Variants in SLC9B1 observed in about 807,000 individuals in gnomAD.
SLC9B1 encodes the protein solute carrier family 9 member B1.
A neutral mutation model predicts 51.7 loss-of-function variants in SLC9B1; 32 were observed. That is an observed-to-expected ratio of 0.62 (90% CI 0.47 to 0.83). The LOEUF (loss-of-function observed/expected upper bound fraction) is 0.83, where lower values mean the gene tolerates loss of function less well. Among genes scored for constraint, SLC9B1 ranks in the 40% least tolerant of loss-of-function variants. SLC9B1 has a pLI of 0.00. For missense variants in SLC9B1, 406 were observed against 613.2 expected, an observed-to-expected ratio of 0.66 and a Z score of 3.57; for synonymous variants, 145 against 212.7, an observed-to-expected ratio of 0.68 and a Z score of 2.77.
intron 3 of SLC9B1, among the ~76,000 whole-genome samples, chr4:102,972,249 C>G (rs1035322417): frequency 6.6e-6 from 1 of 152,154 alleles, no homozygotes; most frequent in African/African-American, 2.4e-5. Context: ...CAATAAAATA[C>G]AGGCAAACCG....
intron 1 of SLC9B1, among the ~76,000 whole-genome samples, chr4:103,014,060 A>G (rs1374809381): frequency 1.3e-5 from 2 of 152,200 alleles, no homozygotes; most frequent in Non-Finnish European, 2.9e-5. Flanking sequence ...CTTCCCATAG[A>G]AGAAAAATGT....
At chr4:102,926,274 T>C (rs1359343708) in intron 7 of SLC9B1, among the ~76,000 whole-genome samples, 1 of 152,136 alleles carries the variant, frequency 6.6e-6, no homozygotes, top group East Asian at 1.9e-4. Flanking sequence ...AAGAAATAAA[T>C]GGTATTCAGT....
Position 102,962,592 on chromosome 4 carries a change from A to G in SLC9B1, c.212-13165T>C, listed in dbSNP as rs148515580. 104 of 474,316 alleles carry G rather than the reference A, an allele frequency of 2.2e-4. No homozygotes were observed. The Middle Eastern group carries it at 3.7e-3, about 17-fold the overall frequency. 29.4% of individuals were successfully genotyped at this position (474,316 alleles called of 1,614,324 possible). On this transcript the variant is annotated intron_variant, in intron 3 of 11. Transcript: ENST00000296422. ...ATGTTAATGAGTATAGTCATTGACA[A>G]AGGAGATGGAGTCACCCATGTTCTC...
Position 103,000,911 on chromosome 4 carries a change from G to A in SLC9B1, c.-1-9199C>T, listed in dbSNP as rs191861653. On this transcript the variant is annotated intron_variant, in intron 1 of 11. Coordinates refer to ENST00000296422, the MANE Select transcript of SLC9B1 (RefSeq NM_139173.4). Reference sequence around the variant, plus strand: ...CCCATTGGGGACCCTCTGTGAGGGGGTCCAACCCTACATTTCCTTTCCACA... The same window carrying A: ...CCCATTGGGGACCCTCTGTGAGGGGATCCAACCCTACATTTCCTTTCCACA... 1.5e-4 allele frequency among the ~76,000 whole-genome samples: 23 copies of A among 152,338 alleles called. 1 individual carries two copies. Among genetic ancestry groups the A allele is most frequent in the African/African-American group, 5.5e-4 (23 of 41,572 alleles).
chr4:102,944,405 G>A (rs201983480), intron 6 of SLC9B1, among the ~76,000 whole-genome samples: 3 of 152,042 alleles, frequency 2.0e-5, no homozygotes, highest in East Asian at 1.9e-4. Flanking sequence ...AAAAAAACTC[G>A]TAAGAGTTGT....
At position 102,985,834 on chromosome 4, in the gene SLC9B1, T is replaced by C. The variant is rs528279378; in HGVS notation, c.211+3966A>G. ...GCCACTGTGCCTGGTCAAAGTCCAC[T>C]TTCAAATAATACTATATGGCTTTAT... On this transcript the variant is annotated intron_variant, in intron 3 of 11. Coordinates refer to ENST00000296422, the MANE Select transcript of SLC9B1 (RefSeq NM_139173.4). Among the ~76,000 whole-genome samples, 4 of 152,278 alleles carry C rather than the reference T, an allele frequency of 2.6e-5. No individual in the cohort carries two copies. The East Asian group carries it at 7.7e-4, about 29-fold the overall frequency.
chr4:102,915,384 T>TC (rs1396895820), intron 7 of SLC9B1, among the ~76,000 whole-genome samples: 1 of 152,160 alleles, frequency 6.6e-6, no homozygotes, highest in Non-Finnish European at 1.5e-5. Flanking sequence ...AAAACACTTT[T>TC]TTTCTTTACT....
intron 6 of SLC9B1, among the ~76,000 whole-genome samples, chr4:102,944,136 C>G (rs1244973406): frequency 1.3e-5 from 2 of 152,178 alleles, no homozygotes; most frequent in African/African-American, 4.8e-5. Flanking sequence ...GAACAGGAAA[C>G]CAAATATCCC....
intron 3 of SLC9B1, among the ~76,000 whole-genome samples, chr4:102,975,580 A>AAATTT (rs1739016697): frequency 1.2e-5 from 1 of 83,480 alleles, no homozygotes; most frequent in African/African-American, 5.4e-5. Context: ...ATATATATAT[A>AAATTT]TATATATTTT....
chr4:102,999,259 G>T (rs1740392151), intron 1 of SLC9B1, among the ~76,000 whole-genome samples: 1 of 152,138 alleles, frequency 6.6e-6, no homozygotes, highest in Non-Finnish European at 1.5e-5. Flanking sequence ...TTGTCACTCT[G>T]TTGATAGTGT....
chr4:102,943,581 T>C (rs1175057943), intron 6 of SLC9B1, among the ~76,000 whole-genome samples: 1 of 150,364 alleles, frequency 6.7e-6, no homozygotes, highest in Non-Finnish European at 1.5e-5. Context: ...AATGAAATAA[T>C]GGCATTCACA....
At chr4:102,888,876 A>C (rs1734079120) in intron 11 of SLC9B1, 2 of 152,264 alleles carry the variant, frequency 1.3e-5, no homozygotes, top group South Asian at 4.1e-4. Flanking sequence ...GAAACTGCTT[A>C]GTTGAGAAAA....
intron 7 of SLC9B1, among the ~76,000 whole-genome samples, chr4:102,926,515 A>C (rs1449034457): frequency 6.6e-6 from 1 of 152,272 alleles, no homozygotes; most frequent in African/African-American, 2.4e-5. Flanking sequence ...AAAGAGAATA[A>C]AATACCTAGG....
rs189999706 is a variant in SLC9B1, at chr4:102,949,812, T to C, written c.212-385A>G. 6.9e-3 allele frequency among the ~76,000 whole-genome samples: 1,048 copies of C among 151,874 alleles called. 11 individuals are homozygous for C. Among genetic ancestry groups the C allele is most frequent in the Non-Finnish European group, 8.5e-3 (575 of 67,876 alleles). On this transcript the variant is annotated intron_variant, in intron 3 of 11. Coordinates refer to ENST00000296422, the MANE Select transcript of SLC9B1 (RefSeq NM_139173.4). Reference sequence around the variant, plus strand: ...CCCGTCTCTACTAAAAATACAAAAATTAGCCAGGCGTGGTGGTGCGTGCCT... The same window carrying C: ...CCCGTCTCTACTAAAAATACAAAAACTAGCCAGGCGTGGTGGTGCGTGCCT...
chr4:102,965,279 T>C (rs1738363909), intron 3 of SLC9B1, among the ~76,000 whole-genome samples: 1 of 152,084 alleles, frequency 6.6e-6, no homozygotes, highest in Non-Finnish European at 1.5e-5. Flanking sequence ...TCAAGAAGCA[T>C]GGCACCAGTA....
chr4:103,003,910 C>T (rs1560528459), intron 1 of SLC9B1, among the ~76,000 whole-genome samples: 2 of 152,252 alleles, frequency 1.3e-5, no homozygotes, highest in South Asian at 2.1e-4. Context: ...ACCAAACCCC[C>T]AAGGGCATCA....
rs539856941 is a variant in SLC9B1 at position 102,964,933 on chromosome 4, A to T, written c.212-15506T>A. ...TTTCCTTGCAATAGTCAAGGAAAAA[A>T]GTTATGGAAAAAAGACAACTCTTTT... On this transcript the variant is annotated intron_variant, in intron 3 of 11. Coordinates refer to ENST00000296422, the MANE Select transcript of SLC9B1 (RefSeq NM_139173.4). Among the ~76,000 whole-genome samples the T allele has an allele frequency of 3.3e-5, 5 of 152,240 alleles. No homozygotes were observed. The South Asian group carries it at 1.0e-3, about 32-fold the overall frequency.
chr4:102,905,739 A>C, intron 10 of SLC9B1, 89 bp from the exon 11 acceptor site: 1 of 1,292,912 alleles, frequency 7.7e-7, no homozygotes, highest in East Asian at 2.3e-5. Flanking sequence ...AAACTTTTGA[A>C]AACATTTTAA....
intron 1 of SLC9B1, among the ~76,000 whole-genome samples, chr4:103,004,376 C>T (rs1418844875): frequency 6.6e-6 from 1 of 151,422 alleles, no homozygotes; most frequent in Non-Finnish European, 1.5e-5. Flanking sequence ...AACTGTCAGA[C>T]AAAAATAAAG....
Sources: gnomAD v4.1 joint callset for allele counts (sites outside exome capture counted in the v4.1 genomes callset) on GRCh38, gnomAD v4.1.1 for gene constraint, MANE v1.5 for transcripts, NCBI Gene and HGNC (gene_info 2026-07-23, HGNC 2026-07-21) for gene names.